IL33: variants seen among roughly 807,000 people sequenced by gnomAD.
IL33 encodes the protein interleukin 33, also known as interleukin-33.
In IL33, 37 loss-of-function variants were observed where a neutral mutation model predicts 27.3. That is an observed-to-expected ratio of 1.36 (90% confidence interval 1.04 to 1.78). The LOEUF is 1.78. Ranked by LOEUF, IL33 falls within the 40% of genes most tolerant of loss-of-function variation. The pLI, the probability that IL33 is intolerant of heterozygous loss-of-function variation, is 0.00. For synonymous variants in IL33, 132 were observed against 102.9 expected (o/e 1.28, Z -1.71); for missense variants, 406 against 311.4 (o/e 1.30, Z -2.29).
chr9:6,232,481 C>A (rs1316342366), intron 1 of IL33, among the ~76,000 whole-genome samples: 1 of 152,110 alleles, frequency 6.6e-6, no homozygotes, highest in African/African-American at 2.4e-5. Flanking sequence ...TATGTCATTT[C>A]CTCTGGGATG....
rs141361662 is a variant in IL33 at position 6,256,023 on chromosome 9, T to C, written c.668T>C (p.Met223Thr). The change falls in exon 8 of 8, where the codon ATG (methionine) becomes ACG (threonine). Residue 223 changes from methionine to threonine, a missense_variant. Coordinates refer to ENST00000682010, the MANE Select transcript of IL33 (RefSeq NM_033439.4). ...CAGGCCTTCTTTGTCCTTCATAATA[T>C]GCACTCCAACTGTGTTTCATTTGAA... ...PDQAFFVLHN[M>T]HSNCVSFECK... 9 of 1,613,642 alleles carry C rather than the reference T, an allele frequency of 5.6e-6. No homozygotes were observed. The highest frequency in any genetic ancestry group is 6.8e-6 in the Non-Finnish European group (8 of 1,179,710).
chr9:6,230,584 C>T (rs1818880266), intron 1 of IL33, among the ~76,000 whole-genome samples: 2 of 152,144 alleles, frequency 1.3e-5, no homozygotes, highest in African/African-American at 4.8e-5. Context: ...CCACTTCTGC[C>T]CCTTTGCAAA....
At chr9:6,254,352 A>C (rs894132273) in intron 6 of IL33, 110 bp from the exon 7 acceptor site, 5 of 595,182 alleles carry the variant, frequency 8.4e-6, no homozygotes, top group African/African-American at 1.9e-5. Flanking sequence ...TAGTGAATGA[A>C]GTAATTATTT....
intron 1 of IL33, among the ~76,000 whole-genome samples, 167 bp downstream of exon 1, chr9:6,216,019 T>G (rs143683185): frequency 1.3e-5 from 2 of 152,360 alleles, no homozygotes; most frequent in East Asian, 3.9e-4. Context: ...GTTACTAACT[T>G]ATAATTCCAT....
At chr9:6,222,925 G>A (rs1235007378) in intron 1 of IL33, among the ~76,000 whole-genome samples, 4 of 151,934 alleles carry the variant, frequency 2.6e-5, no homozygotes, top group South Asian at 2.1e-4. Flanking sequence ...TTTTAATTCA[G>A]AAATATATCA....
chr9:6,246,024 C>G (rs1249587400), intron 2 of IL33, among the ~76,000 whole-genome samples: 1 of 129,608 alleles, frequency 7.7e-6, no homozygotes, highest in Non-Finnish European at 1.6e-5. Context: ...GATCACGCCA[C>G]TGCACTCCAG....
At chr9:6,252,035 G>GAAAAA (rs1285022798) in intron 4 of IL33, among the ~76,000 whole-genome samples, 1 of 36,322 alleles carries the variant, frequency 2.8e-5, no homozygotes, top group Non-Finnish European at 5.3e-5. Context: ...GGCTGTCTCA[G>GAAAAA]AAAAAAAACA....
chr9:6,246,260 G>A (rs1430415523), intron 2 of IL33, among the ~76,000 whole-genome samples: 4 of 151,844 alleles, frequency 2.6e-5, no homozygotes, highest in Non-Finnish European at 5.9e-5. Flanking sequence ...TTACCATTGC[G>A]ATAGTATTAA....
At chr9:6,237,199 C>T (rs1368643475) in intron 1 of IL33, among the ~76,000 whole-genome samples, 1 of 151,658 alleles carries the variant, frequency 6.6e-6, no homozygotes, top group African/African-American at 2.4e-5. Context: ...GGAATAGCAG[C>T]AAAAAAGAAC....
chr9:6,217,706 TC>T (rs1818204532), intron 1 of IL33, among the ~76,000 whole-genome samples: 1 of 152,230 alleles, frequency 6.6e-6, no homozygotes, highest in Non-Finnish European at 1.5e-5. Context: ...AAGATTGTTT[TC>T]TTTTCTTTAT....
intron 2 of IL33, among the ~76,000 whole-genome samples, chr9:6,250,130 C>G (rs1382839469): frequency 6.6e-6 from 1 of 152,080 alleles, no homozygotes; most frequent in Non-Finnish European, 1.5e-5. Flanking sequence ...AAAATATGAC[C>G]TAAACTCATT....
At chr9:6,247,677 CTT>C in intron 2 of IL33, among the ~76,000 whole-genome samples, 1 of 152,192 alleles carries the variant, frequency 6.6e-6, no homozygotes, top group East Asian at 1.9e-4. Context: ...TGAGCTGGCT[CTT>C]TGACCCCAGT....
intron 1 of IL33, among the ~76,000 whole-genome samples, chr9:6,219,722 A>C (rs1256871987): frequency 6.6e-6 from 1 of 152,174 alleles, no homozygotes; most frequent in Non-Finnish European, 1.5e-5. Context: ...CAGTCATCAA[A>C]GGTAATTTAT....
intron 1 of IL33, among the ~76,000 whole-genome samples, chr9:6,235,716 C>T (rs1303813820): frequency 6.6e-6 from 1 of 152,024 alleles, no homozygotes; most frequent in African/African-American, 2.4e-5. Context: ...TGCTCAATCT[C>T]ATGAAATAAA....
chr9:6,221,292 T>G (rs1348354011), intron 1 of IL33, among the ~76,000 whole-genome samples: 2 of 152,204 alleles, frequency 1.3e-5, no homozygotes, highest in African/African-American at 2.4e-5. Context: ...ATTGTCAGTA[T>G]GTGGTGGTCA....
Position 6,252,936 on chromosome 9 carries a change from G to A in IL33, c.414G>A (p.Leu138=), listed in dbSNP as rs144477831. The change falls in exon 5 of 8, where the codon TTG becomes TTA. Residue 138 remains leucine (L), a synonymous_variant. Coordinates refer to ENST00000682010, the MANE Select transcript of IL33 (RefSeq NM_033439.4). ...TYNDQSITFA[L]EDESYEIYVE... ...ATGATCAATCCATTACTTTTGCTTTGGAGGATGAAAGTTATGAGATATATG... is the reference window on the plus strand; with the variant it reads ...ATGATCAATCCATTACTTTTGCTTTAGAGGATGAAAGTTATGAGATATATG... The A allele has an allele frequency of 1.9e-4, 306 of 1,600,052 alleles. 1 individual carries two copies. The highest frequency in any genetic ancestry group is 2.5e-4 in the Non-Finnish European group (292 of 1,169,012).
intron 2 of IL33, among the ~76,000 whole-genome samples, chr9:6,246,794 C>T (rs1456072397): frequency 6.6e-6 from 1 of 152,228 alleles, no homozygotes; most frequent in East Asian, 1.9e-4. Context: ...AGAAGGCCCT[C>T]ATCAGCTACA....
intron 1 of IL33, among the ~76,000 whole-genome samples, chr9:6,240,267 A>G (rs755240843): frequency 7.2e-5 from 11 of 152,132 alleles, no homozygotes; most frequent in Non-Finnish European, 1.3e-4. Context: ...GAGACATGAG[A>G]CTTCAATCAA....
chr9:6,219,255 C>G (rs1818310194), intron 1 of IL33, among the ~76,000 whole-genome samples: 1 of 151,886 alleles, frequency 6.6e-6, no homozygotes, highest in Non-Finnish European at 1.5e-5. Context: ...CGTCTAATCT[C>G]TTCGGTTTCC....
Sources: allele counts gnomAD v4.1 joint callset (sites outside exome capture counted in the v4.1 genomes callset), GRCh38; gene constraint gnomAD v4.1.1; transcripts MANE v1.5; gene names NCBI Gene and HGNC (gene_info 2026-07-23, HGNC 2026-07-21).